Variants in CLRN1 observed in about 807,000 individuals in gnomAD.
CLRN1 encodes clarin-1.
A neutral mutation model predicts 18.7 loss-of-function variants in CLRN1; 15 were observed. The ratio of observed to expected loss-of-function variants is 0.80; its 90% CI spans 0.54 to 1.23. The LOEUF is 1.23. CLRN1 is among the 50% of genes most tolerant of loss of function. The pLI, the probability that CLRN1 is intolerant of heterozygous loss-of-function variation, is 0.00. For synonymous variants in CLRN1, 104 were observed against 102.9 expected (o/e 1.01, Z -0.07); for missense variants, 311 against 277.5 (o/e 1.12, Z -0.86).
chr3:150,953,822 A>T (rs1321533116), intron 1 of CLRN1, among the ~76,000 whole-genome samples: 2 of 152,230 alleles, frequency 1.3e-5, no homozygotes, highest in Non-Finnish European at 2.9e-5. Flanking sequence ...CCGGCCAAGT[A>T]CTTTATATAT....
chr3:150,946,658 A>G (rs1263469467), intron 1 of CLRN1, among the ~76,000 whole-genome samples: 2 of 150,442 alleles, frequency 1.3e-5, no homozygotes, highest in Non-Finnish European at 3.0e-5. Context: ...AATGTAATGT[A>G]TGGCTATTGT....
intron 1 of CLRN1, among the ~76,000 whole-genome samples, chr3:150,962,524 C>T (rs1413114869): frequency 6.6e-6 from 1 of 151,990 alleles, no homozygotes; most frequent in Non-Finnish European, 1.5e-5. Flanking sequence ...TAATACAATA[C>T]TAGTTTTTGA....
At chr3:150,962,777 G>T (rs1330798126) in intron 1 of CLRN1, among the ~76,000 whole-genome samples, 1 of 152,138 alleles carries the variant, frequency 6.6e-6, no homozygotes, top group Non-Finnish European at 1.5e-5. Flanking sequence ...CAACATTAAG[G>T]TAATATAATT....
chr3:150,944,961 T>A (rs576099834), intron 1 of CLRN1, among the ~76,000 whole-genome samples: 1 of 152,246 alleles, frequency 6.6e-6, no homozygotes, highest in East Asian at 1.9e-4. Flanking sequence ...AGGATTTATG[T>A]TTCTGGAGGT....
intron 1 of CLRN1, among the ~76,000 whole-genome samples, chr3:150,948,250 C>A (rs71306532): frequency 0.012 from 1,875 of 152,018 alleles, 14 homozygotes; most frequent in Non-Finnish European, 0.021. Flanking sequence ...TTTGGGAGGC[C>A]GAGGCGGGCG....
rs564216408 is a variant in CLRN1, at chr3:150,964,440, C to A, written c.253+8016G>T. ...GAGAGGATGTGGAGAAATAGGAACG[C>A]TTTTACACTGTTGGTGGGAGTGTAA... On this transcript the variant is annotated intron_variant, in intron 1 of 2. Transcript: ENST00000327047. Among the ~76,000 whole-genome samples the A allele has an allele frequency of 2.0e-5, 3 of 152,312 alleles. No individual in the cohort carries two copies. In the South Asian group the frequency reaches 6.2e-4, roughly 32 times the overall value.
chr3:150,965,028 A>G (rs1030166852), intron 1 of CLRN1, among the ~76,000 whole-genome samples: 1 of 152,218 alleles, frequency 6.6e-6, no homozygotes, highest in African/African-American at 2.4e-5. Context: ...CTGCACATGT[A>G]TTTCAGAATT....
At chr3:150,964,115 G>A (rs1240866596) in intron 1 of CLRN1, among the ~76,000 whole-genome samples, 1 of 152,160 alleles carries the variant, frequency 6.6e-6, no homozygotes, top group African/African-American at 2.4e-5. Flanking sequence ...ACTATTATCA[G>A]AGTGAACGGG....
At chr3:150,955,212 G>A (rs77478681) in intron 1 of CLRN1, among the ~76,000 whole-genome samples, 2 of 152,316 alleles carry the variant, frequency 1.3e-5, no homozygotes, top group Admixed American at 1.3e-4. Context: ...ACAGAAAACA[G>A]ATCAGTGGTT....
intron 1 of CLRN1, chr3:150,942,729 C>A: frequency 3.1e-6 from 1 of 323,036 alleles, no homozygotes; most frequent in South Asian, 2.3e-5. Flanking sequence ...ATGCTTTTCC[C>A]CCTTTTACGC....
At chr3:150,940,403 A>G in intron 2 of CLRN1, 4 of 1,339,206 alleles carry the variant, frequency 3.0e-6, no homozygotes, top group Non-Finnish European at 4.0e-6. Context: ...TGTTTTATAG[A>G]GAGAGAGATC....
chr3:150,946,207 A>G (rs1026229587), intron 1 of CLRN1, among the ~76,000 whole-genome samples: 3 of 152,230 alleles, frequency 2.0e-5, no homozygotes, highest in African/African-American at 7.2e-5. Context: ...TGTGAATAAT[A>G]ATAAATATTA....
At chr3:150,938,090 C>T (rs532953569) in intron 2 of CLRN1, among the ~76,000 whole-genome samples, 5 of 151,968 alleles carry the variant, frequency 3.3e-5, no homozygotes, top group African/African-American at 7.2e-5. Flanking sequence ...GCACAAGGAG[C>T]GGGGAAGCTT....
chr3:150,943,535 G>C (rs966480492), intron 1 of CLRN1, among the ~76,000 whole-genome samples: 2 of 152,120 alleles, frequency 1.3e-5, no homozygotes, highest in African/African-American at 4.8e-5. Context: ...TTCTCTCTCT[G>C]CTGAGAGCCA....
intron 2 of CLRN1, among the ~76,000 whole-genome samples, chr3:150,932,655 C>T (rs1442519850): frequency 4.6e-5 from 7 of 152,128 alleles, no homozygotes; most frequent in Admixed American, 3.9e-4. Flanking sequence ...CACAACTTTA[C>T]AAGTGTAGGT....
intron 1 of CLRN1, among the ~76,000 whole-genome samples, chr3:150,954,466 G>A (rs1403169066): frequency 3.3e-5 from 5 of 152,054 alleles, no homozygotes; most frequent in African/African-American, 1.2e-4. Flanking sequence ...ATTTCTTATT[G>A]GATTGTTTAT....
intron 1 of CLRN1, among the ~76,000 whole-genome samples, chr3:150,963,537 C>T (rs1576645439): frequency 6.6e-6 from 1 of 152,202 alleles, no homozygotes; most frequent in South Asian, 2.1e-4. Flanking sequence ...CTACCATTGA[C>T]TTTCTTCACA....
chr3:150,955,199 A>G (rs1051447966), intron 1 of CLRN1, among the ~76,000 whole-genome samples: 3 of 152,364 alleles, frequency 2.0e-5, no homozygotes, highest in Admixed American at 2.0e-4. Flanking sequence ...CAAAATGATA[A>G]GGACAGAAAA....
intron 2 of CLRN1, among the ~76,000 whole-genome samples, chr3:150,935,228 T>C (rs1313363634): frequency 1.3e-5 from 2 of 151,880 alleles, no homozygotes; most frequent in Non-Finnish European, 2.9e-5. Flanking sequence ...TGTGCCATGC[T>C]GGTGTGCTGC....
Sources: allele counts gnomAD v4.1 joint callset (sites outside exome capture counted in the v4.1 genomes callset), GRCh38; gene constraint gnomAD v4.1.1; transcripts MANE v1.5; gene names NCBI Gene and HGNC (gene_info 2026-07-23, HGNC 2026-07-21).